Variants in KIF3A observed in about 807,000 individuals in gnomAD.
KIF3A encodes kinesin family member 3A.
KIF3A carries 27 observed loss-of-function variants against 92.6 expected under a neutral mutation model. The ratio of observed to expected loss-of-function variants is 0.29; its 90% CI spans 0.21 to 0.40. KIF3A has a LOEUF of 0.40. Ranked by LOEUF, KIF3A falls within the 10% of genes least tolerant of loss-of-function variation. The pLI, the probability that KIF3A is intolerant of heterozygous loss-of-function variation, is 1.00. For missense variants in KIF3A, 581 were observed against 872.6 expected (o/e 0.67, Z 4.21); for synonymous variants, 250 against 275.4 (o/e 0.91, Z 0.92).
chr5:132,737,245 G>A (rs951005355), intron 1 of KIF3A, among the ~76,000 whole-genome samples, 169 bp downstream of exon 1: 38 of 152,306 alleles, frequency 2.5e-4, no homozygotes, highest in Middle Eastern at 3.4e-3. Flanking sequence ...GACCCCCGCG[G>A]CCCCGGGGCT....
chr5:132,691,886 G>A (rs1211576071), downstream of KIF3A, among the ~76,000 whole-genome samples: 2 of 149,320 alleles, frequency 1.3e-5, no homozygotes, highest in Non-Finnish European at 3.0e-5. Context: ...CGGGCAACAA[G>A]AGCAAAACTC....
chr5:132,700,585 A>T, intron 16 of KIF3A, 62 bp downstream of exon 16: 1 of 1,155,912 alleles, frequency 8.7e-7, no homozygotes, highest in Non-Finnish European at 1.3e-6. Context: ...TAGCCAGCAC[A>T]ATTTCTAGAC....
chr5:132,702,584 T>A lies in KIF3A; in HGVS notation c.1732A>T (p.Thr578Ser). 2 of 1,612,366 alleles carry A rather than the reference T, an allele frequency of 1.2e-6. No individual in the cohort carries two copies. The highest frequency in any genetic ancestry group is 1.7e-6 in the Non-Finnish European group (2 of 1,179,070). ...TCTGACTTTGCAGCCATCAGCATAG[T>A]CCAAACTTTCTTTAACTTCTTGGTC... ...GKTKKLKKVW[T>S]MLMAAKSEMA... The change falls in exon 14 of 19, where the codon ACT becomes TCT. Residue 578 changes from threonine to serine, a missense_variant. Thr to Ser is a moderately conservative substitution (Grantham distance 58). Transcript: ENST00000403231.
chr5:132,701,389 C>T (rs190737858), intron 15 of KIF3A, among the ~76,000 whole-genome samples: 1,561 of 151,208 alleles, frequency 0.01, 29 homozygotes, highest in Non-Finnish European at 0.016. Flanking sequence ...ATCCCAGCTA[C>T]TCGGGAGGCA....
rs1012958995 is a variant in KIF3A at position 132,694,935 on chromosome 5, G to A, written c.*1699C>T. The A allele has an allele frequency of 1.3e-5, 2 of 152,108 alleles. No individual in the cohort carries two copies. Among genetic ancestry groups the A allele is most frequent in the Non-Finnish European group, 2.9e-5 (2 of 67,988 alleles). The allele number at this position is 152,108 out of a possible 1,614,324, so 9.4% of individuals were successfully genotyped here. The stretch of plus-strand genomic sequence containing the variant: ...TTACAGAATGGACTTTAAATTTATG[G>A]GTACATTTTTATCGCCACCTCAAGA... On this transcript the variant is annotated 3_prime_UTR_variant, in exon 19 of 19. Transcript: ENST00000403231.
chr5:132,718,287 T>C (rs140618765), intron 5 of KIF3A, among the ~76,000 whole-genome samples: 1 of 152,322 alleles, frequency 6.6e-6, no homozygotes, highest in East Asian at 1.9e-4. Context: ...CAGCTCTGTG[T>C]AGGCACATTT....
intron 1 of KIF3A, 121 bp from the exon 2 acceptor site, chr5:132,734,599 T>A: frequency 1.4e-6 from 1 of 737,236 alleles, no homozygotes; most frequent in South Asian, 2.3e-5. Flanking sequence ...ATTAAACACT[T>A]CACAGGTATT....
intron 8 of KIF3A, among the ~76,000 whole-genome samples, chr5:132,714,362 T>C (rs866580012): frequency 6.6e-6 from 1 of 152,180 alleles, no homozygotes; most frequent in Non-Finnish European, 1.5e-5. Context: ...TGCAGAACAA[T>C]GTGAATGTAA....
At chr5:132,713,699 G>C (rs1753510697) in intron 8 of KIF3A, among the ~76,000 whole-genome samples, 1 of 152,108 alleles carries the variant, frequency 6.6e-6, no homozygotes, top group African/African-American at 2.4e-5. Flanking sequence ...ATTCACAATA[G>C]CCAAAAGGTG....
intron 2 of KIF3A, among the ~76,000 whole-genome samples, chr5:132,733,063 T>C (rs913395573): frequency 6.6e-6 from 1 of 152,106 alleles, no homozygotes; most frequent in African/African-American, 2.4e-5. Context: ...GGCAAACTCA[T>C]AGAATAGATA....
At position 132,700,720 on chromosome 5, in the gene KIF3A, T is replaced by C. The variant is rs1753007513; in HGVS notation, c.1885-20A>G. On this transcript the variant is annotated intron_variant, in intron 15 of 18. Coordinates refer to ENST00000403231, the MANE Select transcript of KIF3A (RefSeq NM_001300791.2). ...CATTTCCTTTTAAAAGGGTGAAAGA[T>C]AGCCTATTTTTAATATTTAATAACA... 1.3e-6 allele frequency: 2 copies of C among 1,505,478 alleles called. No homozygotes were observed. The highest frequency in any genetic ancestry group is 1.7e-5 in the Admixed American group (1 of 58,696). 93.3% of individuals were successfully genotyped at this position (1,505,478 alleles called of 1,614,324 possible). A position where few individuals can be genotyped will look rare whatever the true frequency, so the allele number is the denominator to read the frequency against.
At chr5:132,726,288 T>G in intron 3 of KIF3A, 66 bp downstream of exon 3, 2 of 1,571,734 alleles carry the variant, frequency 1.3e-6, no homozygotes, top group South Asian at 2.3e-5. Context: ...TTATAAAATT[T>G]ATACCTATGT....
intron 17 of KIF3A, 76 bp from the exon 18 acceptor site, chr5:132,699,371 CT>C (rs1752949403): frequency 7.0e-7 from 1 of 1,428,850 alleles, no homozygotes; most frequent in South Asian, 1.2e-5. Context: ...ATTTAAAATA[CT>C]GAATAAACTC....
At chr5:132,707,449 C>T (rs993650407) in intron 10 of KIF3A, among the ~76,000 whole-genome samples, 2 of 151,968 alleles carry the variant, frequency 1.3e-5, no homozygotes, top group Non-Finnish European at 2.9e-5. Flanking sequence ...GAACAAAGTA[C>T]AACTCATTTC....
At position 132,702,871 on chromosome 5, in the gene KIF3A, G is replaced by C. The variant is rs750071800; in HGVS notation, c.1647+14C>G. ...CTGGCAAAATACCAAACTAAAAACA[G>C]AAAGTCACATTACCTCTTTTTCCTC... On this transcript the variant is annotated intron_variant, in intron 13 of 18. Transcript: ENST00000403231. 2.1e-5 allele frequency: 34 copies of C among 1,608,698 alleles called. No individual in the cohort carries two copies. In the South Asian group the frequency reaches 3.8e-4, roughly 18 times the overall value.
At chr5:132,725,188 C>T (rs1030550772) in intron 4 of KIF3A, among the ~76,000 whole-genome samples, 1 of 151,854 alleles carries the variant, frequency 6.6e-6, no homozygotes, top group Non-Finnish European at 1.5e-5. Context: ...TTAATCAGAA[C>T]TAAAGTTGAA....
intron 11 of KIF3A, among the ~76,000 whole-genome samples, chr5:132,704,519 T>C (rs1753145415): frequency 6.6e-6 from 1 of 151,970 alleles, no homozygotes; most frequent in South Asian, 2.1e-4. Flanking sequence ...AGAAAGTTTA[T>C]TAATGAATTT....
chr5:132,696,587 G>T lies in KIF3A; in HGVS notation c.*47C>A. On this transcript the variant is annotated 3_prime_UTR_variant, in exon 19 of 19. Coordinates refer to ENST00000403231, the MANE Select transcript of KIF3A (RefSeq NM_001300791.2). ...TGTTTTAATTAAAGATTTTGTCCAG[G>T]CATGAGAATATCACTAATTTTTATT... is the stretch of plus-strand genomic sequence containing the variant. 1 of 1,155,568 alleles carries T rather than the reference G, an allele frequency of 8.7e-7. No homozygotes were observed. The highest frequency in any genetic ancestry group is 1.3e-6 in the Non-Finnish European group (1 of 770,892). The allele number at this position is 1,155,568 out of a possible 1,614,324, so 71.6% of individuals were successfully genotyped here. A position where few individuals can be genotyped will look rare whatever the true frequency, so the allele number is the denominator to read the frequency against.
intron 2 of KIF3A, among the ~76,000 whole-genome samples, chr5:132,732,936 C>T (rs1754282405): frequency 6.6e-6 from 1 of 151,580 alleles, no homozygotes; most frequent in Non-Finnish European, 1.5e-5. Flanking sequence ...TAATGAATTG[C>T]TGATATATGT....
Sources: gnomAD v4.1 joint callset for allele counts (sites outside exome capture counted in the v4.1 genomes callset) on GRCh38, gnomAD v4.1.1 for gene constraint, MANE v1.5 for transcripts, NCBI Gene and HGNC (gene_info 2026-07-23, HGNC 2026-07-21) for gene names.